The following RUFY1 variants were observed in gnomAD, a reference collection of about 807,000 sequenced individuals.
RUFY1 encodes RUN and FYVE domain containing 1, also known as RUN and FYVE domain-containing protein 1.
Under a neutral mutation model 94.6 loss-of-function variants are expected in RUFY1, and 54 were observed. The ratio of observed to expected loss-of-function variants is 0.57; its 90% CI spans 0.46 to 0.72. The LOEUF (loss-of-function observed/expected upper bound fraction) is 0.72. RUFY1 is among the 30% of genes least tolerant of loss of function. RUFY1 has a pLI of 0.00. For missense variants in RUFY1, 883 were observed against 883.9 expected, an observed-to-expected ratio of 1.00 and a Z score of 0.01; for synonymous variants, 396 against 347.3, an observed-to-expected ratio of 1.14 and a Z score of -1.56.
intron 7 of RUFY1, among the ~76,000 whole-genome samples, chr5:179,584,505 G>A (rs1458192742): frequency 6.6e-6 from 1 of 152,236 alleles, no homozygotes; most frequent in Admixed American, 6.5e-5. Context: ...GAGGCCAGGT[G>A]TGGAAGCTCA....
At position 179,609,474 on chromosome 5, in the gene RUFY1, C is replaced by G. The variant is rs768409330; in HGVS notation, c.2082C>G (p.Ser694Arg). Residue 694 changes from serine to arginine, a missense_variant, in exon 18 of 18, where the codon AGC becomes AGG. Coordinates refer to ENST00000319449, the MANE Select transcript of RUFY1 (RefSeq NM_025158.5). ...SYPKPVRVCD[S>R]CHTLLLQRCS... ...CCAAGCCGGTGCGAGTGTGCGACAG[C>G]TGCCACACCCTGCTCCTGCAGCGCT... 3 of 1,611,160 alleles carry G rather than the reference C, an allele frequency of 1.9e-6. No homozygotes were observed. The highest frequency in any genetic ancestry group is 2.7e-5 in the African/African-American group (2 of 75,024).
chr5:179,556,978 A>G (rs1013573526), intron 1 of RUFY1, among the ~76,000 whole-genome samples: 1 of 152,202 alleles, frequency 6.6e-6, no homozygotes, highest in African/African-American at 2.4e-5. Context: ...TCCAAGTTAT[A>G]TGCCCCAAAT....
intron 1 of RUFY1, chr5:179,559,631 C>T (rs7703730): frequency 3.0e-6 from 3 of 988,812 alleles, no homozygotes; most frequent in South Asian, 8.7e-5. Flanking sequence ...GGACGCTTTC[C>T]CAGCACGCCC....
At chr5:179,586,399 G>C (rs1354204799) in intron 8 of RUFY1, 1 of 456,580 alleles carries the variant, frequency 2.2e-6, no homozygotes, top group Admixed American at 2.4e-5. Context: ...CCAGCTGCCC[G>C]GCAGTCTCCT....
At chr5:179,599,901 G>A (rs1758994649) in intron 14 of RUFY1, among the ~76,000 whole-genome samples, 1 of 152,240 alleles carries the variant, frequency 6.6e-6, no homozygotes, top group Admixed American at 6.5e-5. Flanking sequence ...TGGACACACT[G>A]CACGATTCGA....
intron 6 of RUFY1, among the ~76,000 whole-genome samples, chr5:179,580,116 A>G (rs376908764): frequency 6.6e-6 from 1 of 152,134 alleles, no homozygotes; most frequent in Non-Finnish European, 1.5e-5. Flanking sequence ...ATCTACTGGT[A>G]TATTGAATGA....
At chr5:179,570,631 T>G (rs1430897625) in intron 5 of RUFY1, among the ~76,000 whole-genome samples, 1 of 152,210 alleles carries the variant, frequency 6.6e-6, no homozygotes, top group Non-Finnish European at 1.5e-5. Context: ...CATCCGCAGC[T>G]GTAGCTGGGC....
At chr5:179,581,438 ATTTTT>A (rs763576066) in intron 7 of RUFY1, among the ~76,000 whole-genome samples, 2 of 116,934 alleles carry the variant, frequency 1.7e-5, no homozygotes, top group African/African-American at 3.2e-5. Context: ...CTTTATCTTG[ATTTTT>A]TTTTTTTTTT....
At chr5:179,575,725 C>G (rs1763565526) in intron 5 of RUFY1, among the ~76,000 whole-genome samples, 1 of 152,108 alleles carries the variant, frequency 6.6e-6, no homozygotes, top group Non-Finnish European at 1.5e-5. Context: ...AGTAGGGTTA[C>G]TATAATGAGA....
chr5:179,588,960 G>A (rs879766570), intron 8 of RUFY1, among the ~76,000 whole-genome samples: 1 of 151,978 alleles, frequency 6.6e-6, no homozygotes, highest in Non-Finnish European at 1.5e-5. Flanking sequence ...CGAACTCCTG[G>A]GCTCAAGCAG....
At chr5:179,591,810 A>G in intron 10 of RUFY1, 69 bp downstream of exon 10, 1 of 932,446 alleles carries the variant, frequency 1.1e-6, no homozygotes, top group East Asian at 2.6e-5. Context: ...AACACTTTTC[A>G]TAGACATGCT....
At chr5:179,551,463 T>C (rs1393469121) in intron 1 of RUFY1, among the ~76,000 whole-genome samples, 2 of 152,174 alleles carry the variant, frequency 1.3e-5, no homozygotes, top group Non-Finnish European at 2.9e-5. Flanking sequence ...ACAGCACGCA[T>C]ATGTTTTTGT....
chr5:179,580,241 G>GTGTATATATATATATA (rs149099074), intron 6 of RUFY1, among the ~76,000 whole-genome samples: 5 of 93,850 alleles, frequency 5.3e-5, no homozygotes, highest in Non-Finnish European at 1.2e-4. Context: ...GTGTGTGTGT[G>GTGTATATATATATATA]TATATTTTTT....
rs1767198299 is a variant in RUFY1 at position 179,607,276 on chromosome 5, CA to C, written c.1906-303del. ...AGAAGCTCGCTCTGCTTACTTCAGC[CA>C]AAGGGAACTGATTGAAAGTGGGAGT... On this transcript the variant is annotated intron_variant, in intron 16 of 17. Transcript: ENST00000319449. 7.3e-6 allele frequency: 3 copies of C among 409,342 alleles called. No homozygotes were observed. The Admixed American group carries it at 1.2e-4, about 17-fold the overall frequency. The allele number at this position is 409,342 out of a possible 1,614,324, so 25.4% of individuals were successfully genotyped here. A position where few individuals can be genotyped will look rare whatever the true frequency, so the allele number is the denominator to read the frequency against.
chr5:179,574,050 CTA>C (rs753093250), intron 5 of RUFY1, among the ~76,000 whole-genome samples: 4 of 152,044 alleles, frequency 2.6e-5, no homozygotes, highest in Non-Finnish European at 5.9e-5. Context: ...GTAAGTGAAA[CTA>C]TTCTGAATTT....
rs548936274 is a variant in RUFY1 at position 179,606,064 on chromosome 5, C to T, written c.1905+140C>T. On this transcript the variant is annotated intron_variant, in intron 16 of 17. Coordinates refer to ENST00000319449, the MANE Select transcript of RUFY1 (RefSeq NM_025158.5). ...ATGACGTATTGACAGAGAAGCCAAA[C>T]GCTGCTCAGAAACGTGTCCCTCGGC... 75 of 648,298 alleles carry T rather than the reference C, an allele frequency of 1.2e-4. No individual in the cohort carries two copies. In the Middle Eastern group the frequency reaches 1.2e-3, roughly 10 times the overall value. 40.2% of individuals were successfully genotyped at this position (648,298 alleles called of 1,614,324 possible).
chr5:179,596,410 C>G (rs1214443299), intron 12 of RUFY1, 152 bp from the exon 13 acceptor site: 2 of 976,182 alleles, frequency 2.0e-6, no homozygotes, highest in South Asian at 2.7e-5. Context: ...GTCCTGTATT[C>G]TGATTGTGGT....
intron 6 of RUFY1, among the ~76,000 whole-genome samples, chr5:179,579,657 C>CTTTTTTTTTGTTTTTTTTTTT (rs1763946164): frequency 2.0e-5 from 1 of 50,548 alleles, no homozygotes; most frequent in East Asian, 1.2e-3. Context: ...TTTTCTTCTT[C>CTTTTTTTTTGTTTTTTTTTTT]TTTTTTTTTT....
chr5:179,599,210 GGAGGAAGCCCTTC>G, intron 14 of RUFY1: 1 of 175,546 alleles, frequency 5.7e-6, no homozygotes, highest in Non-Finnish European at 1.2e-5. Flanking sequence ...GCGGCAGGCA[GGAGGAAGCCCTTC>G]ATGGGCCCTG....
Sources: gnomAD v4.1 joint callset for allele counts (sites outside exome capture counted in the v4.1 genomes callset) on GRCh38, gnomAD v4.1.1 for gene constraint, MANE v1.5 for transcripts, NCBI Gene and HGNC (gene_info 2026-07-23, HGNC 2026-07-21) for gene names.